AGBL4: variants seen among roughly 807,000 people sequenced by gnomAD.
AGBL4 encodes the protein cytosolic carboxypeptidase 6.
AGBL4 carries 58 observed loss-of-function variants against 66.4 expected under a neutral mutation model. The ratio of observed to expected loss-of-function variants is 0.87; its 90% CI spans 0.71 to 1.09. The LOEUF (loss-of-function observed/expected upper bound fraction) is 1.09, where lower values mean the gene tolerates loss of function less well. AGBL4 is among the 50% of genes least tolerant of loss of function. AGBL4 has a pLI of 0.00. For missense variants in AGBL4, 579 were observed against 631.0 expected, an observed-to-expected ratio of 0.92 and a Z score of 0.88; for synonymous variants, 234 against 222.9, an observed-to-expected ratio of 1.05 and a Z score of -0.44.
chr1:49,301,796 C>T (rs1305732057), intron 3 of AGBL4, among the ~76,000 whole-genome samples: 4 of 152,132 alleles, frequency 2.6e-5, no homozygotes, highest in Admixed American at 1.3e-4. Context: ...CGATGACCCC[C>T]ACCCAGGAAT....
At chr1:49,303,637 C>CT (rs999962779) in intron 3 of AGBL4, among the ~76,000 whole-genome samples, 6 of 150,502 alleles carry the variant, frequency 4.0e-5, no homozygotes, top group African/African-American at 9.7e-5. Context: ...TTTTCTTCTT[C>CT]TTTTTTTTTC....
intron 6 of AGBL4, among the ~76,000 whole-genome samples, chr1:48,815,020 G>A (rs1459444765): frequency 2.0e-5 from 3 of 151,998 alleles, no homozygotes; most frequent in African/African-American, 4.8e-5. Flanking sequence ...TCCCATCAAC[G>A]GTGTATAAGA....
chr1:48,907,576 GC>G (rs1182612125), intron 5 of AGBL4, among the ~76,000 whole-genome samples: 6 of 152,148 alleles, frequency 3.9e-5, no homozygotes, highest in Non-Finnish European at 7.3e-5. Context: ...GGAAGCTCTA[GC>G]CTACGCAATT....
rs1651157249 is a variant in AGBL4 at position 48,893,329 on chromosome 1, T to TG, written c.595-26100dup. On this transcript the variant is annotated intron_variant, in intron 5 of 13. Transcript: ENST00000371839. ...GTGACGGTCTTAGGAAGTGGGGCTT[T>TG]GGGGAAGTAATGAGGTCATGAGGGT... 2.6e-5 allele frequency among the ~76,000 whole-genome samples: 4 copies of TG among 152,036 alleles called. No homozygotes were observed. In the South Asian group the frequency reaches 8.3e-4, roughly 32 times the overall value.
chr1:48,819,081 G>A (rs1298880926), intron 6 of AGBL4, among the ~76,000 whole-genome samples: 1 of 152,184 alleles, frequency 6.6e-6, no homozygotes, highest in Non-Finnish European at 1.5e-5. Flanking sequence ...CTGCTGCTGT[G>A]TGAAAGAGGC....
chr1:49,289,170 C>G (rs1644487843), intron 3 of AGBL4, among the ~76,000 whole-genome samples: 1 of 151,630 alleles, frequency 6.6e-6, no homozygotes, highest in South Asian at 2.1e-4. Flanking sequence ...TACTAGACAA[C>G]TAGAATATAA....
chr1:49,444,351 G>T (rs1646104141), intron 3 of AGBL4, among the ~76,000 whole-genome samples: 1 of 152,008 alleles, frequency 6.6e-6, no homozygotes, highest in East Asian at 1.9e-4. Flanking sequence ...AATGTTGAGA[G>T]TGTGGAGTTA....
At chr1:50,005,607 C>G (rs1342417730) in intron 1 of AGBL4, among the ~76,000 whole-genome samples, 1 of 152,200 alleles carries the variant, frequency 6.6e-6, no homozygotes, top group East Asian at 1.9e-4. Context: ...CAACAAACAT[C>G]TACAAGCATC....
chr1:49,205,350 T>C (rs1648047234), intron 4 of AGBL4, among the ~76,000 whole-genome samples: 1 of 152,102 alleles, frequency 6.6e-6, no homozygotes, highest in African/African-American at 2.4e-5. Flanking sequence ...CATCCATCTA[T>C]TTTTAGCTGC....
intron 6 of AGBL4, among the ~76,000 whole-genome samples, chr1:48,809,148 G>C (rs1161480728): frequency 2.6e-5 from 4 of 152,176 alleles, no homozygotes; most frequent in Admixed American, 2.6e-4. Flanking sequence ...GGTAAAAATA[G>C]GGTGTGTGTC....
rs565241179 is a variant in AGBL4, at chr1:49,847,647, G to T, written c.157+3749C>A. ...AAAATCAATAACCCCATTAAAATAAGCAAAGGACATGAATAAATATTTTTT... is the reference window on the plus strand; with the variant it reads ...AAAATCAATAACCCCATTAAAATAATCAAAGGACATGAATAAATATTTTTT... On this transcript the variant is annotated intron_variant, in intron 2 of 13. Coordinates refer to ENST00000371839, the MANE Select transcript of AGBL4 (RefSeq NM_032785.4). Among the ~76,000 whole-genome samples the T allele has an allele frequency of 7.3e-5, 11 of 150,348 alleles. No homozygotes were observed. In the South Asian group the frequency reaches 2.3e-3, roughly 31 times the overall value.
At chr1:49,845,374 A>T (rs1646113123) in intron 2 of AGBL4, 1 of 1,391,508 alleles carries the variant, frequency 7.2e-7, no homozygotes, top group African/African-American at 1.4e-5. Flanking sequence ...GTCCTCCTTT[A>T]GCCAACACAA....
chr1:49,674,315 A>C (rs1646538276), intron 3 of AGBL4, among the ~76,000 whole-genome samples: 1 of 151,852 alleles, frequency 6.6e-6, no homozygotes, highest in Admixed American at 6.6e-5. Flanking sequence ...TATTGGTCAT[A>C]TCCTATGTTG....
At chr1:48,638,015 A>G (rs1479935492) in intron 8 of AGBL4, among the ~76,000 whole-genome samples, 1 of 152,194 alleles carries the variant, frequency 6.6e-6, no homozygotes, top group Non-Finnish European at 1.5e-5. Context: ...AAACAATTGT[A>G]TCCTTAGAGA....
At chr1:49,124,932 A>T (rs928318648) in intron 4 of AGBL4, among the ~76,000 whole-genome samples, 2 of 152,230 alleles carry the variant, frequency 1.3e-5, no homozygotes, top group African/African-American at 2.4e-5. Context: ...GGGCTCAAAG[A>T]GTATGTTTGC....
chr1:49,255,250 A>T (rs938017368), intron 3 of AGBL4, among the ~76,000 whole-genome samples: 1 of 152,142 alleles, frequency 6.6e-6, no homozygotes, highest in African/African-American at 2.4e-5. Context: ...GGGAGAAAAA[A>T]ATTTGCAAAC....
chr1:49,881,080 A>T (rs904547167), intron 1 of AGBL4, among the ~76,000 whole-genome samples: 1 of 152,046 alleles, frequency 6.6e-6, no homozygotes. Flanking sequence ...AGTGAGATGA[A>T]CCTGGTACCT....
intron 6 of AGBL4, among the ~76,000 whole-genome samples, chr1:48,722,990 G>T (rs978432969): frequency 6.6e-6 from 1 of 152,208 alleles, no homozygotes; most frequent in Non-Finnish European, 1.5e-5. Flanking sequence ...TTATTAAAAT[G>T]AGAAAACTGA....
At chr1:49,491,500 C>A (rs901096420) in intron 3 of AGBL4, among the ~76,000 whole-genome samples, 2 of 151,834 alleles carry the variant, frequency 1.3e-5, no homozygotes, top group Admixed American at 1.3e-4. Flanking sequence ...CACATTTGAC[C>A]TTAGTTCTTG....
Sources: gnomAD v4.1 joint callset for allele counts (sites outside exome capture counted in the v4.1 genomes callset) on GRCh38, gnomAD v4.1.1 for gene constraint, MANE v1.5 for transcripts, NCBI Gene and HGNC (gene_info 2026-07-23, HGNC 2026-07-21) for gene names.